IGSF11: variants seen among roughly 807,000 people sequenced by gnomAD.
IGSF11 encodes immunoglobulin superfamily member 11, also known as CXADR like 1.
IGSF11 carries 22 observed loss-of-function variants against 41.0 expected under a neutral mutation model. That is an observed-to-expected ratio of 0.54 (90% CI 0.38 to 0.77). IGSF11 has a LOEUF of 0.77. Ranked by LOEUF, IGSF11 falls within the 30% of genes least tolerant of loss-of-function variation. IGSF11 has a pLI of 0.00. For synonymous variants in IGSF11, 219 were observed against 201.3 expected, an observed-to-expected ratio of 1.09 and a Z score of -0.74; for missense variants, 444 against 530.8, an observed-to-expected ratio of 0.84 and a Z score of 1.61.
At chr3:119,075,835 C>T (rs945267531) in intron 1 of IGSF11, among the ~76,000 whole-genome samples, 9 of 152,174 alleles carry the variant, frequency 5.9e-5, no homozygotes, top group Admixed American at 1.3e-4. Flanking sequence ...GCCATACTGC[C>T]CAAGGTAATT....
At chr3:118,975,397 T>C (rs1474826587) in intron 1 of IGSF11, among the ~76,000 whole-genome samples, 2 of 150,826 alleles carry the variant, frequency 1.3e-5, no homozygotes, top group Admixed American at 1.3e-4. Flanking sequence ...TCATAGAAAG[T>C]TGTTAGGAGT....
chr3:119,025,273 G>T (rs1010607855), intron 1 of IGSF11, among the ~76,000 whole-genome samples: 4 of 152,096 alleles, frequency 2.6e-5, no homozygotes, highest in African/African-American at 9.7e-5. Flanking sequence ...CAAGATTATA[G>T]AACTGGAAAA....
intron 1 of IGSF11, among the ~76,000 whole-genome samples, chr3:118,986,193 C>T (rs78673875): frequency 0.024 from 3,683 of 152,204 alleles, 82 homozygotes; most frequent in East Asian, 0.066. Context: ...GACTTTGTGC[C>T]ACCCCTCACT....
chr3:118,937,252 A>G (rs1035845789), intron 1 of IGSF11, among the ~76,000 whole-genome samples: 1 of 152,202 alleles, frequency 6.6e-6, no homozygotes, highest in African/African-American at 2.4e-5. Flanking sequence ...TCTCACATAA[A>G]TACATGTAAT....
chr3:118,902,614 G>C lies in IGSF11; in HGVS notation c.1202C>G (p.Thr401Ser), dbSNP rs1453408836. 49 of 1,613,996 alleles carry C rather than the reference G, an allele frequency of 3.0e-5. No individual in the cohort carries two copies. Among genetic ancestry groups the C allele is most frequent in the Non-Finnish European group, 4.1e-5 (48 of 1,179,992 alleles). Residue 401 changes from threonine to serine, a missense_variant, in exon 7 of 7, where the codon ACT becomes AGT. By Grantham distance (58) the Thr-to-Ser change is moderately conservative. Transcript: ENST00000393775. The part of the protein sequence containing the change: ...SVSRKPRPPH[T>S]HSYTISHATL... ...TGCGTGGCTGATGGTGTAGGAATGA[G>C]TGTGTGGAGGCCGAGGCTTCCTACT... is the stretch of plus-strand genomic sequence containing the variant.
At chr3:119,093,066 T>G (rs77730660) in intron 1 of IGSF11, among the ~76,000 whole-genome samples, 1 of 60,040 alleles carries the variant, frequency 1.7e-5, no homozygotes, top group Non-Finnish European at 6.2e-5. Flanking sequence ...GGAGTACCCC[T>G]GTCATTAAGT....
At chr3:118,946,456 A>AAAG (rs531900257) in intron 1 of IGSF11, among the ~76,000 whole-genome samples, 1 of 151,848 alleles carries the variant, frequency 6.6e-6, no homozygotes, top group African/African-American at 2.4e-5. Flanking sequence ...TAAAAAAAAA[A>AAAG]AAGAAGAAGA....
At chr3:118,995,314 C>G (rs1460880825) in intron 1 of IGSF11, among the ~76,000 whole-genome samples, 1 of 152,146 alleles carries the variant, frequency 6.6e-6, no homozygotes, top group Non-Finnish European at 1.5e-5. Flanking sequence ...AAGCAAATCA[C>G]TTCTGGTTGA....
chr3:118,931,386 T>C (rs1419745334), intron 1 of IGSF11, among the ~76,000 whole-genome samples: 2 of 152,188 alleles, frequency 1.3e-5, no homozygotes, highest in African/African-American at 4.8e-5. Context: ...TATCATGTCC[T>C]GAAAAGGAAA....
rs1164939623 is a variant in IGSF11, at chr3:118,901,694, A to G, written c.*826T>C. On this transcript the variant is annotated 3_prime_UTR_variant, in exon 7 of 7. Transcript: ENST00000393775. ...ATGAGCTCACTAAATACAACCATTGAACAAGGTATTATACAACAGTCTTTT... is the reference window on the plus strand; with the variant it reads ...ATGAGCTCACTAAATACAACCATTGGACAAGGTATTATACAACAGTCTTTT... 3 of 152,012 alleles carry G rather than the reference A, an allele frequency of 2.0e-5. No homozygotes were observed. Among genetic ancestry groups the G allele is most frequent in the African/African-American group, 7.3e-5 (3 of 41,344 alleles). The allele number at this position is 152,012 out of a possible 1,614,324, so 9.4% of individuals were successfully genotyped here.
intron 1 of IGSF11, among the ~76,000 whole-genome samples, chr3:119,052,238 G>A (rs573157519): frequency 1.1e-4 from 16 of 152,160 alleles, no homozygotes; most frequent in Admixed American, 3.9e-4. Flanking sequence ...TCACCACTTC[G>A]GGAAGCCAAG....
intron 1 of IGSF11, among the ~76,000 whole-genome samples, chr3:119,024,198 A>T (rs1254560182): frequency 3.3e-5 from 5 of 152,228 alleles, no homozygotes; most frequent in African/African-American, 1.2e-4. Context: ...ACACATATTA[A>T]TCAACAAGCA....
intron 6 of IGSF11, among the ~76,000 whole-genome samples, chr3:118,904,349 C>T (rs1939311847): frequency 6.6e-6 from 1 of 152,092 alleles, no homozygotes; most frequent in Non-Finnish European, 1.5e-5. Flanking sequence ...TAGACACTAC[C>T]TTTCCCATTG....
At chr3:118,924,892 T>C (rs1020383470) in intron 4 of IGSF11, among the ~76,000 whole-genome samples, 7 of 152,270 alleles carry the variant, frequency 4.6e-5, no homozygotes, top group African/African-American at 1.7e-4. Flanking sequence ...ACAGAAACAG[T>C]GGAAAATCTA....
In IGSF11 at chr3:119,141,616, T is replaced by C. The variant is rs894831706; in HGVS notation, c.-14+4197A>G. Among the ~76,000 whole-genome samples the C allele has an allele frequency of 3.4e-5, 5 of 149,080 alleles. 1 individual carries two copies. Among genetic ancestry groups the C allele is most frequent in the East Asian group, 3.9e-4 (2 of 5,146 alleles). ...AATATAGATTATCTATATTATCTAA[T>C]ATATTAGATACATTAGATAAAATAT... On this transcript the variant is annotated intron_variant, in intron 1 of 7. Coordinates refer to the IGSF11 transcript ENST00000425327.
At chr3:119,044,373 A>G (rs1458186153) in intron 1 of IGSF11, among the ~76,000 whole-genome samples, 5 of 152,044 alleles carry the variant, frequency 3.3e-5, no homozygotes, top group African/African-American at 1.2e-4. Flanking sequence ...GAAAAAAAGA[A>G]TTTTTAAAAA....
chr3:119,101,739 G>C (rs1436284060), intron 1 of IGSF11, among the ~76,000 whole-genome samples: 2 of 152,040 alleles, frequency 1.3e-5, no homozygotes, highest in East Asian at 3.9e-4. Context: ...TCTCACATTT[G>C]CAAATATATC....
At chr3:119,079,275 C>G (rs1301688814) in intron 1 of IGSF11, among the ~76,000 whole-genome samples, 1 of 151,964 alleles carries the variant, frequency 6.6e-6, no homozygotes, top group African/African-American at 2.4e-5. Flanking sequence ...AGGAGAATCA[C>G]TTGAACCCCA....
intron 1 of IGSF11, among the ~76,000 whole-genome samples, chr3:119,127,745 A>G (rs1001076299): frequency 6.6e-6 from 1 of 152,230 alleles, no homozygotes; most frequent in Non-Finnish European, 1.5e-5. Flanking sequence ...TTGGGAGCCA[A>G]TATTTGACAT....
Sources: gnomAD v4.1 joint callset for allele counts (sites outside exome capture counted in the v4.1 genomes callset) on GRCh38, gnomAD v4.1.1 for gene constraint, MANE v1.5 for transcripts, NCBI Gene and HGNC (gene_info 2026-07-23, HGNC 2026-07-21) for gene names.